FAM193B: variants seen among roughly 807,000 people sequenced by gnomAD.
The protein encoded by FAM193B is family with sequence similarity 193 member B.
In FAM193B, 27 loss-of-function variants were observed where a neutral mutation model predicts 70.7. The ratio of observed to expected loss-of-function variants is 0.38; its 90% confidence interval spans 0.28 to 0.53. The LOEUF (loss-of-function observed/expected upper bound fraction) is 0.53, where lower values mean the gene tolerates loss of function less well. Ranked by LOEUF, FAM193B falls within the 20% of genes least tolerant of loss-of-function variation. The pLI, the probability that FAM193B is intolerant of heterozygous loss-of-function variation, is 0.81. For synonymous variants in FAM193B, 448 were observed against 436.0 expected (o/e 1.03, Z -0.34); for missense variants, 1,022 against 1,072.5 (o/e 0.95, Z 0.66).
At chr5:177,531,750 C>T in intron 5 of FAM193B, 1 of 677,904 alleles carries the variant, frequency 1.5e-6, no homozygotes, top group South Asian at 2.0e-5. Flanking sequence ...ACTGGGGAGC[C>T]AGAAAAACAA....
rs1485437736 is a variant in FAM193B, at chr5:177,525,083, C to A, written c.1398G>T (p.Arg466=). Residue 466 remains arginine (R), a synonymous_variant, in exon 6 of 9, where the codon CGG becomes CGT. Transcript: ENST00000514747. Reference sequence around the variant, plus strand: ...GACGGCTGCTCAGGAAGCTGTTGACCCGATCCAGTTCCCGGTCGGGCCACT... The same window carrying A: ...GACGGCTGCTCAGGAAGCTGTTGACACGATCCAGTTCCCGGTCGGGCCACT... ...LLEWPDRELD[R]VNSFLSSRLQ... 1 of 1,596,422 alleles carries A rather than the reference C, an allele frequency of 6.3e-7. No individual in the cohort carries two copies. The highest frequency in any genetic ancestry group is 8.5e-7 in the Non-Finnish European group (1 of 1,172,304).
chr5:177,531,914 C>T (rs140579502), intron 5 of FAM193B: 3 of 1,213,958 alleles, frequency 2.5e-6, no homozygotes, highest in African/African-American at 3.2e-5. Flanking sequence ...CTTCTATCCT[C>T]AGCTGCTCTA....
chr5:177,524,301 G>A lies in FAM193B; in HGVS notation c.2180C>T (p.Pro727Leu). ...GGGCTGCACAGACTCCTGCTCCTGA[G>A]GCCGTGCCTTGGCCTCGCCTGGCCA... ...RNWPGEAKARPQEQESVQPSG... is the reference protein window; with the variant it reads ...RNWPGEAKARLQEQESVQPSG... Residue 727 changes from proline (P) to leucine (L), a missense_variant, in exon 6 of 9, where the codon CCT becomes CTT. Pro to Leu is a moderately conservative substitution (Grantham distance 98). Transcript: ENST00000514747. The A allele has an allele frequency of 1.0e-5, 16 of 1,586,268 alleles. No homozygotes were observed. The highest frequency in any genetic ancestry group is 1.4e-5 in the Non-Finnish European group (16 of 1,166,040).
chr5:177,531,356 T>A (rs765973024), intron 5 of FAM193B: 4 of 1,361,860 alleles, frequency 2.9e-6, no homozygotes, highest in Non-Finnish European at 2.9e-6. Flanking sequence ...GTGCTGTTGA[T>A]GAATTCCAGC....
intron 7 of FAM193B, 128 bp downstream of exon 7, chr5:177,523,829 G>C: frequency 9.9e-7 from 1 of 1,008,624 alleles, no homozygotes; most frequent in Non-Finnish European, 1.5e-6. Context: ...TGGGGGGGCG[G>C]TGAGCCTCCC....
intron 3 of FAM193B, among the ~76,000 whole-genome samples, chr5:177,537,580 T>C (rs1764319070): frequency 6.6e-6 from 1 of 152,228 alleles, no homozygotes; most frequent in African/African-American, 2.4e-5. Context: ...GACTCCACTT[T>C]CTACTCAGAC....
intron 7 of FAM193B, among the ~76,000 whole-genome samples, chr5:177,523,750 C>T (rs1190153588): frequency 1.3e-5 from 2 of 152,278 alleles, no homozygotes; most frequent in Non-Finnish European, 1.5e-5. Flanking sequence ...TCTCTTGCAC[C>T]TTCCCAGATG....
At chr5:177,531,529 T>TGGTGGGGGGG in intron 5 of FAM193B, 1 of 488,060 alleles carries the variant, frequency 2.0e-6, no homozygotes, top group Non-Finnish European at 3.3e-6. Context: ...TGGCTGGGGG[T>TGGTGGGGGGG]GGGGGGGAGG....
chr5:177,541,127 T>C (rs143981025), intron 1 of FAM193B, among the ~76,000 whole-genome samples: 46 of 152,292 alleles, frequency 3.0e-4, no homozygotes, highest in African/African-American at 1.1e-3. Context: ...CCTAAATCAG[T>C]GTCTGCCAAG....
chr5:177,523,824 G>A (rs1762145344), intron 7 of FAM193B, 133 bp downstream of exon 7: 4 of 933,048 alleles, frequency 4.3e-6, no homozygotes, highest in South Asian at 1.5e-5. Context: ...GGGCCTGGGG[G>A]GGCGGTGAGC....
intron 5 of FAM193B, among the ~76,000 whole-genome samples, chr5:177,530,677 G>A (rs979052157): frequency 2.0e-4 from 30 of 152,150 alleles, no homozygotes; most frequent in Admixed American, 1.4e-3. Flanking sequence ...TTCTCTCACC[G>A]GTAGGATAAA....
intron 4 of FAM193B, among the ~76,000 whole-genome samples, chr5:177,533,848 G>A (rs939713481): frequency 1.3e-5 from 2 of 152,238 alleles, no homozygotes; most frequent in Admixed American, 6.5e-5. Flanking sequence ...GGGAACTCAA[G>A]CCCACGTTTC....
chr5:177,548,802 C>G (rs1581939529), intron 1 of FAM193B, among the ~76,000 whole-genome samples: 1 of 152,314 alleles, frequency 6.6e-6, no homozygotes, highest in African/African-American at 2.4e-5. Flanking sequence ...AAGCACATCA[C>G]GTTCTCTTTC....
At chr5:177,526,121 C>T (rs1762563855) in intron 5 of FAM193B, among the ~76,000 whole-genome samples, 1 of 152,194 alleles carries the variant, frequency 6.6e-6, no homozygotes, top group Non-Finnish European at 1.5e-5. Context: ...CCAGGGCTTG[C>T]TACCACCTCG....
At chr5:177,529,149 C>T (rs942671490) in intron 5 of FAM193B, among the ~76,000 whole-genome samples, 2 of 151,906 alleles carry the variant, frequency 1.3e-5, no homozygotes, top group Non-Finnish European at 2.9e-5. Context: ...ATGACAGAGC[C>T]AGGGGTGCAG....
intron 5 of FAM193B, among the ~76,000 whole-genome samples, chr5:177,528,674 G>A (rs1273313032): frequency 2.0e-5 from 3 of 152,224 alleles, no homozygotes; most frequent in Non-Finnish European, 4.4e-5. Flanking sequence ...TAAAAAGTGA[G>A]GCTATTTGCC....
In FAM193B at chr5:177,532,185, T is replaced by C. The variant is rs1484760889; in HGVS notation, c.1275+258A>G. 9 of 1,485,748 alleles carry C rather than the reference T, an allele frequency of 6.1e-6. No individual in the cohort carries two copies. Among genetic ancestry groups the C allele is most frequent in the Non-Finnish European group, 8.1e-6 (9 of 1,115,806 alleles). 92.0% of individuals were successfully genotyped at this position (1,485,748 alleles called of 1,614,324 possible). A position where few individuals can be genotyped will look rare whatever the true frequency, so the allele number is the denominator to read the frequency against. ...CAGAATCATAGCTTTCTCTCTGCCA[T>C]TTCCTTTCCTTTTGCCTAAGGAAAA... On this transcript the variant is annotated intron_variant, in intron 5 of 8. Transcript: ENST00000514747. The surrounding 1 kb of genome is among the most constrained non-coding windows in gnomAD (Gnocchi z 4.9).
intron 5 of FAM193B, chr5:177,531,163 C>G: frequency 5.4e-6 from 6 of 1,101,452 alleles, no homozygotes; most frequent in Non-Finnish European, 7.0e-6. Flanking sequence ...CTTCCCAGAA[C>G]AGTGAGCCAA....
chr5:177,520,766 G>A (rs1761605663), intron 8 of FAM193B, among the ~76,000 whole-genome samples: 1 of 152,224 alleles, frequency 6.6e-6, no homozygotes, highest in Non-Finnish European at 1.5e-5. Context: ...AGGTGGAGAA[G>A]AGGCAGGAGG....
Sources: gnomAD v4.1 joint callset for allele counts (sites outside exome capture counted in the v4.1 genomes callset) on GRCh38, gnomAD v4.1.1 for gene constraint, Gnocchi (gnomAD v3.1) non-coding constraint, MANE v1.5 for transcripts, NCBI Gene and HGNC (gene_info 2026-07-23, HGNC 2026-07-21) for gene names.